The following PDE4D variants were observed in gnomAD, a reference collection of about 807,000 sequenced individuals.
PDE4D encodes phosphodiesterase 4D, also known as 3',5'-cyclic-AMP phosphodiesterase 4D.
A neutral mutation model predicts 87.4 loss-of-function variants in PDE4D; 24 were observed. The ratio of observed to expected loss-of-function variants is 0.27; its 90% CI spans 0.20 to 0.39. PDE4D has a LOEUF of 0.39. Among genes scored for constraint, PDE4D ranks in the 10% least tolerant of loss-of-function variants. The probability of loss-of-function intolerance (pLI) is 1.00; values close to 1 mark genes in which losing one functional copy is unlikely to be tolerated. For synonymous variants in PDE4D, 384 were observed against 383.2 expected, an observed-to-expected ratio of 1.00 and a Z score of -0.02; for missense variants, 714 against 1,041.0, an observed-to-expected ratio of 0.69 and a Z score of 4.32.
At chr5:60,227,553 T>G (rs1248709481) in intron 1 of PDE4D, among the ~76,000 whole-genome samples, 1 of 111,764 alleles carries the variant, frequency 8.9e-6, no homozygotes, top group African/African-American at 3.5e-5. Flanking sequence ...AGAGGAAGGG[T>G]AGAAGGGAGG....
chr5:59,636,910 TAACTA>T (rs1832321702), intron 1 of PDE4D, among the ~76,000 whole-genome samples: 1 of 152,138 alleles, frequency 6.6e-6, no homozygotes, highest in Non-Finnish European at 1.5e-5. Flanking sequence ...AAATGGGATC[TAACTA>T]AACTAAAGAG....
chr5:59,650,728 T>C (rs1323315666), intron 1 of PDE4D, among the ~76,000 whole-genome samples: 1 of 152,204 alleles, frequency 6.6e-6, no homozygotes, highest in Non-Finnish European at 1.5e-5. Flanking sequence ...TGATAAAAGA[T>C]CACTACTTAA....
At chr5:59,050,500 A>C (rs1184400712) in intron 5 of PDE4D, among the ~76,000 whole-genome samples, 1 of 152,240 alleles carries the variant, frequency 6.6e-6, no homozygotes, top group Non-Finnish European at 1.5e-5. Context: ...AGAACTCAAG[A>C]GTATATCGGT....
intron 1 of PDE4D, among the ~76,000 whole-genome samples, chr5:59,870,752 T>A (rs948386337): frequency 8.5e-5 from 13 of 152,064 alleles, no homozygotes; most frequent in Non-Finnish European, 2.9e-5. Flanking sequence ...GACAGGGAGA[T>A]TGTACTGAAA....
At chr5:59,120,555 T>C (rs1203044649) in intron 5 of PDE4D, among the ~76,000 whole-genome samples, 1 of 150,630 alleles carries the variant, frequency 6.6e-6, no homozygotes, top group Non-Finnish European at 1.5e-5. Context: ...ATGTACTTAG[T>C]GCCCAATTCT....
chr5:59,686,246 C>T (rs537900437), intron 1 of PDE4D, among the ~76,000 whole-genome samples: 2 of 152,244 alleles, frequency 1.3e-5, no homozygotes, highest in African/African-American at 4.8e-5. Flanking sequence ...GATTACTTGC[C>T]TGCCAAGCCC....
intron 1 of PDE4D, among the ~76,000 whole-genome samples, chr5:59,612,237 T>TTTTTTG (rs113105324): frequency 0.72 from 107,759 of 150,352 alleles, 38,876 homozygotes; most frequent in South Asian, 0.82. Flanking sequence ...ACACTGTTTT[T>TTTTTTG]TTTGTTTGTT....
At chr5:60,360,085 A>G (rs1759934394) in intron 1 of PDE4D, among the ~76,000 whole-genome samples, 1 of 152,212 alleles carries the variant, frequency 6.6e-6, no homozygotes, top group African/African-American at 2.4e-5. Flanking sequence ...AAATGTCCCC[A>G]TAGAGCTAAA....
intron 5 of PDE4D, among the ~76,000 whole-genome samples, chr5:59,127,722 T>C (rs916225534): frequency 2.4e-4 from 37 of 151,582 alleles, no homozygotes; most frequent in African/African-American, 8.5e-4. Context: ...TGATGATGAC[T>C]CTGCTGACGT....
At chr5:60,424,579 C>T (rs76540907) in intron 1 of PDE4D, among the ~76,000 whole-genome samples, 9 of 152,174 alleles carry the variant, frequency 5.9e-5, no homozygotes, top group African/African-American at 9.6e-5. Context: ...CAATATCATA[C>T]TGAATGGGCA....
chr5:60,027,950 T>G (rs548829589), intron 2 of PDE4D, among the ~76,000 whole-genome samples: 1 of 152,360 alleles, frequency 6.6e-6, no homozygotes, highest in East Asian at 1.9e-4. Context: ...TGGAAAATTC[T>G]GAGAATCTCT....
At chr5:59,922,331 T>C (rs558335870) in intron 3 of PDE4D, among the ~76,000 whole-genome samples, 1 of 152,038 alleles carries the variant, frequency 6.6e-6, no homozygotes, top group African/African-American at 2.4e-5. Flanking sequence ...TTAGAATTAG[T>C]GTTTATGGGG....
chr5:59,302,645 T>C (rs960831689), intron 1 of PDE4D, among the ~76,000 whole-genome samples: 2 of 152,194 alleles, frequency 1.3e-5, no homozygotes, highest in African/African-American at 2.4e-5. Flanking sequence ...TTTCTATTCC[T>C]GAGTTACTTC....
intron 1 of PDE4D, among the ~76,000 whole-genome samples, chr5:59,680,006 A>G (rs1262785949): frequency 1.3e-5 from 2 of 152,164 alleles, no homozygotes; most frequent in Non-Finnish European, 2.9e-5. Context: ...AACTCCAAGT[A>G]CGAAATACAC....
intron 6 of PDE4D, among the ~76,000 whole-genome samples, chr5:59,016,390 C>CTTTTTTTTTTTTTTTTT (rs35622981): frequency 2.5e-5 from 2 of 78,594 alleles, no homozygotes; most frequent in East Asian, 4.0e-4. Context: ...TCAGTCTGTT[C>CTTTTTTTTTTTTTTTTT]TTTTTTTTTT....
chr5:59,292,796 CTG>C (rs1240802455), intron 1 of PDE4D, among the ~76,000 whole-genome samples: 1 of 152,042 alleles, frequency 6.6e-6, no homozygotes, highest in African/African-American at 2.4e-5. Flanking sequence ...GCTGTAGCCC[CTG>C]AGGAATGTAG....
At chr5:59,193,752 G>A (rs1200480085) in intron 2 of PDE4D, 28 of 985,252 alleles carry the variant, frequency 2.8e-5, no homozygotes, top group Non-Finnish European at 3.1e-5. Flanking sequence ...AAAAAGAGGG[G>A]CTTCTTGATC....
chr5:60,347,015 A>G (rs1319484492), intron 1 of PDE4D, among the ~76,000 whole-genome samples: 1 of 152,202 alleles, frequency 6.6e-6, no homozygotes, highest in East Asian at 1.9e-4. Flanking sequence ...TACAGAGCTT[A>G]TATTCTGAAT....
chr5:59,473,977 G>C (rs901242565), intron 1 of PDE4D, among the ~76,000 whole-genome samples: 13 of 152,146 alleles, frequency 8.5e-5, no homozygotes, highest in Admixed American at 2.0e-4. Context: ...AGAATTTATA[G>C]ACAAACCAGA....
Sources: gnomAD v4.1 joint callset for allele counts (sites outside exome capture counted in the v4.1 genomes callset) on GRCh38, gnomAD v4.1.1 for gene constraint, MANE v1.5 for transcripts, NCBI Gene and HGNC (gene_info 2026-07-23, HGNC 2026-07-21) for gene names.